Variants in RNF130 observed in about 807,000 individuals in gnomAD.
The protein encoded by RNF130 is E3 ubiquitin-protein ligase RNF130.
A neutral mutation model predicts 44.6 loss-of-function variants in RNF130; 21 were observed. The observed-to-expected ratio is 0.47, with a 90% CI of 0.33 to 0.68. The LOEUF (loss-of-function observed/expected upper bound fraction) is 0.68, where lower values mean the gene tolerates loss of function less well. Ranked by LOEUF, RNF130 falls within the 30% of genes least tolerant of loss-of-function variation. The pLI is 0.02. For synonymous variants in RNF130, 214 were observed against 210.4 expected (o/e 1.02, Z -0.15); for missense variants, 479 against 560.6 (o/e 0.85, Z 1.47).
At chr5:180,042,492 A>C (rs537578707) in intron 1 of RNF130, among the ~76,000 whole-genome samples, 1 of 152,364 alleles carries the variant, frequency 6.6e-6, no homozygotes, top group East Asian at 1.9e-4. Flanking sequence ...ATTGAAAGAC[A>C]CAGACGATGC....
chr5:179,936,399 T>A (rs1428672453), intron 7 of RNF130, among the ~76,000 whole-genome samples: 2 of 152,174 alleles, frequency 1.3e-5, no homozygotes, highest in African/African-American at 4.8e-5. Context: ...TTTTATATTT[T>A]AATTTTTTTT....
intron 7 of RNF130, among the ~76,000 whole-genome samples, chr5:179,938,197 A>G (rs1761923465): frequency 6.6e-6 from 1 of 152,074 alleles, no homozygotes; most frequent in South Asian, 2.1e-4. Context: ...TGCTCAAGCA[A>G]TCCACCCTCC....
At chr5:180,061,577 T>A (rs546361631) in intron 1 of RNF130, among the ~76,000 whole-genome samples, 1 of 152,164 alleles carries the variant, frequency 6.6e-6, no homozygotes, top group African/African-American at 2.4e-5. Context: ...CTGCTAGCCA[T>A]CCTTTGCACC....
intron 7 of RNF130, among the ~76,000 whole-genome samples, chr5:179,947,735 A>G (rs1762065565): frequency 1.3e-5 from 2 of 152,208 alleles, no homozygotes; most frequent in Admixed American, 1.3e-4. Flanking sequence ...ATTATTGTAC[A>G]CTATTATCAA....
intron 5 of RNF130, among the ~76,000 whole-genome samples, chr5:179,971,786 A>G (rs1762592576): frequency 6.6e-6 from 1 of 152,242 alleles, no homozygotes; most frequent in Non-Finnish European, 1.5e-5. Flanking sequence ...TGCAGTTTTG[A>G]TTTATAAAAA....
rs943753522 is a variant in RNF130 at position 180,022,003 on chromosome 5, T to C, written c.443-8692A>G. Reference sequence around the variant, plus strand: ...GACCTTGGCACTTTCGAAGACTACATTCGGCCCAGTTGATCTGTCGAAGGT... The same window carrying C: ...GACCTTGGCACTTTCGAAGACTACACTCGGCCCAGTTGATCTGTCGAAGGT... On this transcript the variant is annotated intron_variant, in intron 2 of 8. Coordinates refer to ENST00000521389, the MANE Select transcript of RNF130 (RefSeq NM_018434.6). 3.3e-5 allele frequency among the ~76,000 whole-genome samples: 5 copies of C among 152,366 alleles called. No homozygotes were observed. The East Asian group carries it at 9.6e-4, about 29-fold the overall frequency.
intron 3 of RNF130, among the ~76,000 whole-genome samples, chr5:179,991,123 C>T (rs1763073109): frequency 1.3e-5 from 2 of 152,232 alleles, no homozygotes; most frequent in South Asian, 2.1e-4. Context: ...GCATCCCATT[C>T]TCTTCTGGCT....
At chr5:179,931,928 C>A (rs1480093285) in intron 7 of RNF130, among the ~76,000 whole-genome samples, 1 of 152,170 alleles carries the variant, frequency 6.6e-6, no homozygotes, top group Admixed American at 6.5e-5. Flanking sequence ...TCTGCTATCC[C>A]CCAAACCACT....
chr5:180,071,430 C>T, intron 1 of RNF130, 26 bp downstream of exon 1: 2 of 1,233,008 alleles, frequency 1.6e-6, no homozygotes, highest in Non-Finnish European at 2.0e-6. Context: ...GCGACCACCG[C>T]CCGCCGCCCC....
Position 179,980,204 on chromosome 5 carries a change from T to C in RNF130, c.694-4A>G, listed in dbSNP as rs1262050913. 5.6e-6 allele frequency: 9 copies of C among 1,613,922 alleles called. No homozygotes were observed. Among genetic ancestry groups the C allele is most frequent in the South Asian group, 3.3e-5 (3 of 91,070 alleles). On this transcript the variant is annotated splice_region_variant and splice_polypyrimidine_tract_variant and intron_variant, in intron 3 of 8. Coordinates refer to ENST00000521389, the MANE Select transcript of RNF130 (RefSeq NM_018434.6). ...TGGCTGCATCTCCGAGACGACGCTA[T>C]GAAAATTGCAAATAAAAACAGATAC...
intron 1 of RNF130, among the ~76,000 whole-genome samples, chr5:180,048,239 C>T (rs4130025): frequency 0.67 from 102,189 of 151,846 alleles, 34,697 homozygotes; most frequent in African/African-American, 0.76. Flanking sequence ...AATAGGAGTT[C>T]TCCAAGATTT....
intron 1 of RNF130, among the ~76,000 whole-genome samples, chr5:180,061,699 G>A (rs1764990870): frequency 6.6e-6 from 1 of 152,126 alleles, no homozygotes; most frequent in Non-Finnish European, 1.5e-5. Context: ...ATTAGTCGTT[G>A]GATTTAGGGC....
chr5:179,951,937 C>CA (rs748989287), downstream of RNF130, among the ~76,000 whole-genome samples: 1 of 151,964 alleles, frequency 6.6e-6, no homozygotes, highest in African/African-American at 2.4e-5. Flanking sequence ...TAGCTATAAA[C>CA]AACTACATTA....
At chr5:179,953,791 T>C (rs750937726), downstream of RNF130, among the ~76,000 whole-genome samples, 5 of 152,190 alleles carry the variant, frequency 3.3e-5, no homozygotes, top group African/African-American at 4.8e-5. Flanking sequence ...ACTTTGTGCT[T>C]TGAAAGACAC....
intron 2 of RNF130, among the ~76,000 whole-genome samples, chr5:180,020,498 C>T (rs550297820): frequency 1.3e-4 from 20 of 152,246 alleles, no homozygotes; most frequent in Middle Eastern, 6.8e-3. Flanking sequence ...TCCTGCCATG[C>T]GTCTGCTGGG....
intron 7 of RNF130, among the ~76,000 whole-genome samples, chr5:179,940,476 A>G (rs912713171): frequency 6.6e-6 from 1 of 151,788 alleles, no homozygotes; most frequent in East Asian, 1.9e-4. Flanking sequence ...TGACTTCATG[A>G]TCCTCCCGCT....
At chr5:179,988,834 T>A (rs1183496938) in intron 3 of RNF130, among the ~76,000 whole-genome samples, 1 of 152,220 alleles carries the variant, frequency 6.6e-6, no homozygotes, top group African/African-American at 2.4e-5. Flanking sequence ...GTTCCATATG[T>A]TGAGGAAAAT....
At chr5:179,928,763 G>T (rs1761746695) in intron 7 of RNF130, among the ~76,000 whole-genome samples, 1 of 151,888 alleles carries the variant, frequency 6.6e-6, no homozygotes, top group East Asian at 1.9e-4. Flanking sequence ...CGAGTAGCTG[G>T]GACTACAGGC....
At chr5:179,994,916 G>A (rs1763170284) in intron 3 of RNF130, among the ~76,000 whole-genome samples, 1 of 152,198 alleles carries the variant, frequency 6.6e-6, no homozygotes, top group African/African-American at 2.4e-5. Context: ...GCAATGGGTT[G>A]GGCCAGGGAA....
Sources: allele counts gnomAD v4.1 joint callset (sites outside exome capture counted in the v4.1 genomes callset), GRCh38; gene constraint gnomAD v4.1.1; transcripts MANE v1.5; gene names NCBI Gene and HGNC (gene_info 2026-07-23, HGNC 2026-07-21).